LRRC7: variants seen among roughly 807,000 people sequenced by gnomAD.
The protein encoded by LRRC7 is leucine rich repeat containing 7.
A neutral mutation model predicts 175.7 loss-of-function variants in LRRC7; 23 were observed. The ratio of observed to expected loss-of-function variants is 0.13; its 90% CI spans 0.09 to 0.19. The LOEUF is 0.19. Ranked by LOEUF, LRRC7 falls within the 10% of genes least tolerant of loss-of-function variation. LRRC7 has a pLI of 1.00. For synonymous variants in LRRC7, 685 were observed against 680.9 expected (o/e 1.01, Z -0.09); for missense variants, 1,354 against 1,904.7 (o/e 0.71, Z 5.38).
intron 7 of LRRC7, among the ~76,000 whole-genome samples, chr1:69,876,895 T>A (rs1318325343): frequency 2.0e-5 from 3 of 152,084 alleles, no homozygotes; most frequent in Non-Finnish European, 4.4e-5. Context: ...GCATAGTATA[T>A]AAGATTATGG....
At position 69,626,195 on chromosome 1, in the gene LRRC7, C is replaced by T. The variant is rs76708175; in HGVS notation, c.3-52186C>T. On this transcript the variant is annotated intron_variant, in intron 1 of 26. Transcript: ENST00000651989. The stretch of plus-strand genomic sequence containing the variant: ...ATTTCTAGGGTGTAACCCTCAGGAA[C>T]ATCTTGCTTGAGGACCTTGATCTTA... 4.7e-4 allele frequency among the ~76,000 whole-genome samples: 71 copies of T among 152,242 alleles called. 3 individuals are homozygous for T. The East Asian group carries it at 0.012, about 26-fold the overall frequency.
intron 1 of LRRC7, among the ~76,000 whole-genome samples, chr1:69,650,007 T>G (rs1340256299): frequency 2.6e-5 from 4 of 152,128 alleles, no homozygotes; most frequent in Non-Finnish European, 2.9e-5. Context: ...TAAGATACAG[T>G]TAGAGAATCC....
At chr1:69,759,941 G>C (rs1670854821) in intron 2 of LRRC7, among the ~76,000 whole-genome samples, 1 of 151,968 alleles carries the variant, frequency 6.6e-6, no homozygotes, top group Admixed American at 6.6e-5. Context: ...TTCCAAAGCT[G>C]TGTGATGATG....
chr1:69,852,757 G>C lies in LRRC7; in HGVS notation c.647+14474G>C, dbSNP rs546816710. ...ATATCAACTTTGGGTATATTCTTAG[G>C]TGATGTTTCCTTATAGGAAAATTTG... On this transcript the variant is annotated intron_variant, in intron 7 of 26. Coordinates refer to ENST00000651989, the MANE Select transcript of LRRC7 (RefSeq NM_001370785.2). Among the ~76,000 whole-genome samples, 37 of 152,162 alleles carry C rather than the reference G, an allele frequency of 2.4e-4. No individual in the cohort carries two copies. In the South Asian group the frequency reaches 7.1e-3, roughly 29 times the overall value.
At chr1:69,759,464 A>C (rs2100932893) in intron 2 of LRRC7, among the ~76,000 whole-genome samples, 1 of 152,148 alleles carries the variant, frequency 6.6e-6, no homozygotes, top group South Asian at 2.1e-4. Flanking sequence ...GAGGAATAGG[A>C]GAAAGATGTG....
At chr1:69,582,007 G>A (rs1030823397) in intron 1 of LRRC7, among the ~76,000 whole-genome samples, 1 of 152,040 alleles carries the variant, frequency 6.6e-6, no homozygotes, top group Admixed American at 6.6e-5. Flanking sequence ...GGATTCTCTG[G>A]GCAAGGTTAC....
At chr1:69,958,665 C>A (rs1650739218) in intron 8 of LRRC7, among the ~76,000 whole-genome samples, 1 of 151,890 alleles carries the variant, frequency 6.6e-6, no homozygotes, top group Non-Finnish European at 1.5e-5. Flanking sequence ...AGGAAGGAAA[C>A]ACAAATTTGG....
chr1:69,658,436 C>T (rs1353922774), intron 1 of LRRC7, among the ~76,000 whole-genome samples: 1 of 151,752 alleles, frequency 6.6e-6, no homozygotes, highest in Non-Finnish European at 1.5e-5. Flanking sequence ...AAGTGAGTTG[C>T]CACACTGGCT....
At chr1:69,727,735 C>G (rs1044818447) in intron 2 of LRRC7, among the ~76,000 whole-genome samples, 3 of 152,142 alleles carry the variant, frequency 2.0e-5, no homozygotes, top group Admixed American at 2.0e-4. Flanking sequence ...ATTGAAGAGT[C>G]TGGTTTTACA....
At chr1:69,873,669 G>A in intron 7 of LRRC7, 1 of 332,422 alleles carries the variant, frequency 3.0e-6, no homozygotes, top group Non-Finnish European at 6.3e-6. Flanking sequence ...CTGCTGATGG[G>A]GGCTGCCTTC....
At chr1:69,752,824 G>A (rs1224105742) in intron 2 of LRRC7, among the ~76,000 whole-genome samples, 1 of 152,142 alleles carries the variant, frequency 6.6e-6, no homozygotes, top group Non-Finnish European at 1.5e-5. Flanking sequence ...AGAACAGGAT[G>A]TCCTTATCCT....
intron 3 of LRRC7, among the ~76,000 whole-genome samples, chr1:69,791,567 T>C (rs1352162741): frequency 1.3e-5 from 2 of 151,992 alleles, no homozygotes; most frequent in African/African-American, 4.8e-5. Context: ...ACAAAAGAAA[T>C]GTGAACTCAA....
chr1:69,674,130 T>C (rs745380891), intron 1 of LRRC7, among the ~76,000 whole-genome samples: 5 of 152,148 alleles, frequency 3.3e-5, no homozygotes, highest in Non-Finnish European at 7.3e-5. Context: ...CACCTCAGCC[T>C]CCTGAGTATA....
chr1:70,007,471 A>C (rs1009952938), intron 11 of LRRC7, among the ~76,000 whole-genome samples: 1 of 152,224 alleles, frequency 6.6e-6, no homozygotes, highest in Admixed American at 6.5e-5. Context: ...AATACTGTTA[A>C]TGTAGGTTAC....
At chr1:70,018,919 A>G (rs112372684) in intron 15 of LRRC7, 101 bp downstream of exon 15, 5 of 761,772 alleles carry the variant, frequency 6.6e-6, no homozygotes, top group African/African-American at 3.5e-5. Flanking sequence ...CACATGGACA[A>G]GCTTATAAAG....
intron 23 of LRRC7, among the ~76,000 whole-genome samples, chr1:70,073,627 T>C (rs530419321): frequency 1.3e-5 from 2 of 152,090 alleles, no homozygotes; most frequent in Non-Finnish European, 2.9e-5. Flanking sequence ...CCAAGCTATG[T>C]TCTGGATCCT....
chr1:69,829,593 A>G (rs1463095578), intron 5 of LRRC7, among the ~76,000 whole-genome samples: 9 of 131,674 alleles, frequency 6.8e-5, no homozygotes, highest in Non-Finnish European at 3.3e-5. Context: ...TGTACATACC[A>G]CTTTTAATAT....
At chr1:69,798,840 G>A (rs1676114776) in intron 4 of LRRC7, among the ~76,000 whole-genome samples, 1 of 152,018 alleles carries the variant, frequency 6.6e-6, no homozygotes, top group African/African-American at 2.4e-5. Flanking sequence ...AATTACCAAT[G>A]TCCCCATTGC....
chr1:69,799,128 G>T (rs1676158284), intron 4 of LRRC7, among the ~76,000 whole-genome samples: 1 of 147,006 alleles, frequency 6.8e-6, no homozygotes, highest in African/African-American at 2.6e-5. Flanking sequence ...TGATTATGTG[G>T]GCTACAAATA....
Sources: allele counts gnomAD v4.1 joint callset (sites outside exome capture counted in the v4.1 genomes callset), GRCh38; gene constraint gnomAD v4.1.1; transcripts MANE v1.5; gene names NCBI Gene and HGNC (gene_info 2026-07-23, HGNC 2026-07-21).